The following KCNB2 variants were observed in gnomAD, a reference collection of about 807,000 sequenced individuals.
The protein encoded by KCNB2 is potassium voltage-gated channel subfamily B member 2, also known as delayed rectifier potassium channel protein.
A neutral mutation model predicts 61.5 loss-of-function variants in KCNB2; 15 were observed. The observed-to-expected ratio is 0.24, with a 90% CI of 0.16 to 0.38. KCNB2 has a LOEUF of 0.38. Among genes scored for constraint, KCNB2 ranks in the 10% least tolerant of loss-of-function variants. KCNB2 has a pLI of 1.00. For synonymous variants in KCNB2, 457 were observed against 446.0 expected (o/e 1.02, Z -0.31); for missense variants, 828 against 1,125.2 (o/e 0.74, Z 3.78).
intron 2 of KCNB2, among the ~76,000 whole-genome samples, chr8:72,817,932 T>G (rs959054976): frequency 6.6e-6 from 1 of 152,190 alleles, no homozygotes; most frequent in Non-Finnish European, 1.5e-5. Flanking sequence ...ATAAAGTGTT[T>G]TATAAATATC....
chr8:72,696,933 C>A (rs1037193350), intron 2 of KCNB2, among the ~76,000 whole-genome samples: 1 of 152,146 alleles, frequency 6.6e-6, no homozygotes, highest in African/African-American at 2.4e-5. Context: ...CTTCTGCATT[C>A]TTTTAAAATG....
intron 2 of KCNB2, among the ~76,000 whole-genome samples, chr8:72,607,352 A>G (rs1167518728): frequency 6.6e-6 from 1 of 152,158 alleles, no homozygotes; most frequent in African/African-American, 2.4e-5. Flanking sequence ...AAGAATGATT[A>G]CAAGGCACTC....
chr8:72,888,267 T>C (rs955389227), intron 2 of KCNB2, among the ~76,000 whole-genome samples: 1 of 151,918 alleles, frequency 6.6e-6, no homozygotes, highest in Non-Finnish European at 1.5e-5. Context: ...ACACCCTGGG[T>C]TAATTTTTGT....
chr8:72,546,516 C>CA (rs35073549), intron 1 of KCNB2, among the ~76,000 whole-genome samples: 20,906 of 117,158 alleles, frequency 0.18, 1,504 homozygotes, highest in African/African-American at 0.19. Context: ...GACTCTGTGT[C>CA]AAAAAAAAAA....
intron 2 of KCNB2, among the ~76,000 whole-genome samples, chr8:72,676,301 A>G (rs1287998141): frequency 6.6e-6 from 1 of 152,084 alleles, no homozygotes; most frequent in Non-Finnish European, 1.5e-5. Context: ...ATTCACCTAA[A>G]TTACTATGGA....
chr8:72,828,092 C>T (rs1054170723), intron 2 of KCNB2, among the ~76,000 whole-genome samples: 4 of 152,088 alleles, frequency 2.6e-5, no homozygotes, highest in African/African-American at 4.8e-5. Flanking sequence ...GGATTATAGG[C>T]GTGAGCCACC....
At chr8:72,614,739 C>G (rs1805592712) in intron 2 of KCNB2, among the ~76,000 whole-genome samples, 1 of 152,086 alleles carries the variant, frequency 6.6e-6, no homozygotes, top group African/African-American at 2.4e-5. Flanking sequence ...TTGGTTCTGT[C>G]CTTTCTGAAA....
intron 2 of KCNB2, among the ~76,000 whole-genome samples, chr8:72,715,368 G>C (rs535615720): frequency 4.5e-4 from 68 of 152,254 alleles, no homozygotes; most frequent in Non-Finnish European, 6.9e-4. Context: ...ATTCTTTTCA[G>C]CACCACACCA....
At chr8:72,821,629 C>CAAAAAAAAAA (rs1563395050) in intron 2 of KCNB2, among the ~76,000 whole-genome samples, 1 of 53,696 alleles carries the variant, frequency 1.9e-5, no homozygotes, top group Non-Finnish European at 3.3e-5. Flanking sequence ...TACACACACA[C>CAAAAAAAAAA]ACAAAAAAAA....
At chr8:72,712,055 C>T (rs1807335074) in intron 2 of KCNB2, among the ~76,000 whole-genome samples, 1 of 152,190 alleles carries the variant, frequency 6.6e-6, no homozygotes, top group Admixed American at 6.5e-5. Flanking sequence ...TAATATGTTA[C>T]TTATTCTAAA....
chr8:72,719,233 C>G (rs1807504005), intron 2 of KCNB2, among the ~76,000 whole-genome samples: 1 of 152,106 alleles, frequency 6.6e-6, no homozygotes, highest in African/African-American at 2.4e-5. Flanking sequence ...CTGCACATAA[C>G]CCATGGTATT....
intron 2 of KCNB2, among the ~76,000 whole-genome samples, chr8:72,741,001 T>G (rs1430382875): frequency 6.6e-6 from 1 of 152,194 alleles, no homozygotes; most frequent in Non-Finnish European, 1.5e-5. Flanking sequence ...TTCAGATCCA[T>G]TTTCAAACTG....
chr8:72,707,914 G>C (rs1325254207), intron 2 of KCNB2, among the ~76,000 whole-genome samples: 1 of 152,152 alleles, frequency 6.6e-6, no homozygotes. Context: ...AAGGTGGAGA[G>C]GGAGAGGGGA....
chr8:72,691,816 T>C (rs1054171398), intron 2 of KCNB2, among the ~76,000 whole-genome samples: 2 of 152,236 alleles, frequency 1.3e-5, no homozygotes, highest in Non-Finnish European at 2.9e-5. Context: ...TAAACACCAC[T>C]AACTTTCTAT....
chr8:72,866,704 A>G (rs568549270), intron 2 of KCNB2, among the ~76,000 whole-genome samples: 83 of 152,344 alleles, frequency 5.4e-4, no homozygotes, highest in African/African-American at 1.8e-3. Context: ...GCTTCCTACA[A>G]GCAACCCAAC....
intron 2 of KCNB2, among the ~76,000 whole-genome samples, chr8:72,815,540 A>C (rs1381165717): frequency 6.6e-6 from 1 of 152,190 alleles, no homozygotes; most frequent in African/African-American, 2.4e-5. Flanking sequence ...TCCATTGCTT[A>C]TCATATCATC....
At chr8:72,881,957 A>C (rs1014845509) in intron 2 of KCNB2, among the ~76,000 whole-genome samples, 3 of 152,230 alleles carry the variant, frequency 2.0e-5, no homozygotes, top group Non-Finnish European at 4.4e-5. Context: ...TCCAAAAATA[A>C]AACCCAGCGT....
Position 72,937,988 on chromosome 8 carries a change from G to GT in KCNB2, c.2634dup (p.Ser879Ter). 1 of 1,614,132 alleles carries GT rather than the reference G, an allele frequency of 6.2e-7. No homozygotes were observed. Among genetic ancestry groups the GT allele is most frequent in the Non-Finnish European group, 8.5e-7 (1 of 1,180,004 alleles). ...GCTGTGAGTGAAGTCAAAAAGGACA[G>GT]TAGTCAAGAAGGGTGCAAGATGGAA... On this transcript the variant is annotated frameshift_variant, in exon 3 of 3. Coordinates refer to ENST00000523207, the MANE Select transcript of KCNB2 (RefSeq NM_004770.3). LOFTEE classifies it high-confidence loss of function.
chr8:72,725,783 G>A (rs965409825), intron 2 of KCNB2, among the ~76,000 whole-genome samples: 1 of 151,432 alleles, frequency 6.6e-6, no homozygotes, highest in African/African-American at 2.4e-5. Context: ...TGTATGCACA[G>A]TAACTTACAC....
Sources: gnomAD v4.1 joint callset for allele counts (sites outside exome capture counted in the v4.1 genomes callset) on GRCh38, gnomAD v4.1.1 for gene constraint, MANE v1.5 for transcripts, NCBI Gene and HGNC (gene_info 2026-07-23, HGNC 2026-07-21) for gene names.